Variants in NDUFAF5 observed in about 807,000 individuals in gnomAD.
NDUFAF5 encodes the protein NADH:ubiquinone oxidoreductase complex assembly factor 5, also known as arginine-hydroxylase NDUFAF5, mitochondrial.
NDUFAF5 carries 34 observed loss-of-function variants against 48.9 expected under a neutral mutation model. The ratio of observed to expected loss-of-function variants is 0.70; its 90% CI spans 0.53 to 0.93. The LOEUF is 0.93. Among genes scored for constraint, NDUFAF5 ranks in the 40% least tolerant of loss-of-function variants. NDUFAF5 has a pLI of 0.00. For synonymous variants in NDUFAF5, 153 were observed against 150.6 expected, an observed-to-expected ratio of 1.02 and a Z score of -0.12; for missense variants, 428 against 427.5, an observed-to-expected ratio of 1.00 and a Z score of -0.01.
intron 5 of NDUFAF5, among the ~76,000 whole-genome samples, chr20:13,795,899 A>G (rs757900813): frequency 2.6e-5 from 4 of 152,198 alleles, no homozygotes. Context: ...CTTCCTCCAC[A>G]TATGTTACAC....
intron 8 of NDUFAF5, among the ~76,000 whole-genome samples, chr20:13,812,306 C>A (rs911369695): frequency 1.3e-5 from 2 of 152,142 alleles, no homozygotes; most frequent in Non-Finnish European, 2.9e-5. Flanking sequence ...CAGCCTGTAG[C>A]ATGCATGGCC....
At chr20:13,804,385 G>T (rs755439324) in intron 7 of NDUFAF5, among the ~76,000 whole-genome samples, 14 of 151,870 alleles carry the variant, frequency 9.2e-5, no homozygotes, top group Non-Finnish European at 1.9e-4. Flanking sequence ...CTGTCCTAGA[G>T]GTAGCTACTA....
chr20:13,801,115 C>T (rs183026116), intron 6 of NDUFAF5, among the ~76,000 whole-genome samples: 155 of 152,202 alleles, frequency 1.0e-3, no homozygotes, highest in Non-Finnish European at 3.5e-4. Context: ...TAGAAAACGA[C>T]GTTTCAGAGG....
Position 13,793,173 on chromosome 20 carries a change from A to T in NDUFAF5, c.328-7A>T. The T allele has an allele frequency of 1.2e-6, 2 of 1,613,994 alleles. No homozygotes were observed. Among genetic ancestry groups the T allele is most frequent in the Non-Finnish European group, 1.7e-6 (2 of 1,179,934 alleles). On this transcript the variant is annotated splice_polypyrimidine_tract_variant and splice_region_variant and intron_variant, in intron 3 of 10. Transcript: ENST00000378106. ...TGTTTGTTTCAGCTTCAGTTATTCC[A>T]TTGCAGGAAACTATTGGAAAGTTTT...
At chr20:13,793,015 A>G in intron 3 of NDUFAF5, 165 bp from the exon 4 acceptor site, 1 of 709,228 alleles carries the variant, frequency 1.4e-6, no homozygotes, top group Non-Finnish European at 2.5e-6. Flanking sequence ...AATATAGCAA[A>G]GGATATGTGT....
intron 8 of NDUFAF5, among the ~76,000 whole-genome samples, chr20:13,810,958 G>GA (rs1385117729): frequency 1.3e-5 from 2 of 152,158 alleles, no homozygotes; most frequent in Non-Finnish European, 2.9e-5. Context: ...GGAACCGTTT[G>GA]AAATAGTCAT....
At chr20:13,814,312 G>A in intron 8 of NDUFAF5, 1 of 503,778 alleles carries the variant, frequency 2.0e-6, no homozygotes, top group Non-Finnish European at 3.5e-6. Flanking sequence ...CTGACTAGAA[G>A]ATCATGTTAC....
intron 8 of NDUFAF5, among the ~76,000 whole-genome samples, chr20:13,809,255 A>G (rs1985518383): frequency 6.6e-6 from 1 of 152,244 alleles, no homozygotes; most frequent in Non-Finnish European, 1.5e-5. Context: ...GACTTCCTTC[A>G]GCCACACTTG....
chr20:13,785,063 C>G lies in NDUFAF5; in HGVS notation c.-6C>G. 1 of 1,609,492 alleles carries G rather than the reference C, an allele frequency of 6.2e-7. No individual in the cohort carries two copies. The highest frequency in any genetic ancestry group is 8.5e-7 in the Non-Finnish European group (1 of 1,179,066). On this transcript the variant is annotated 5_prime_UTR_variant, in exon 1 of 11. Transcript: ENST00000378106. ...AAAGCGCCGGCAATTGGGGTCGCAG[C>G]TGGAGATGCTGCGGCCGGCAGGGCT... is the stretch of plus-strand genomic sequence containing the variant.
At chr20:13,794,196 G>C (rs1213304795) in intron 4 of NDUFAF5, among the ~76,000 whole-genome samples, 1 of 151,688 alleles carries the variant, frequency 6.6e-6, no homozygotes, top group Admixed American at 6.6e-5. Flanking sequence ...GTTTACCTAG[G>C]CTTTTTCATC....
chr20:13,817,526 CT>C lies in NDUFAF5; in HGVS notation c.*321del. 4.1e-6 allele frequency: 2 copies of C among 490,410 alleles called. No individual in the cohort carries two copies. The highest frequency in any genetic ancestry group is 4.0e-6 in the Non-Finnish European group (1 of 251,734). The allele number at this position is 490,410 out of a possible 1,614,324, so 30.4% of individuals were successfully genotyped here. On this transcript the variant is annotated 3_prime_UTR_variant, in exon 11 of 11. Coordinates refer to ENST00000378106, the MANE Select transcript of NDUFAF5 (RefSeq NM_024120.5). ...TATTACTCATGCTGACCTTTTACAC[CT>C]TTTTCATTTGTCATACTGTTTTCTT...
chr20:13,812,040 AG>A (rs1985935144), intron 8 of NDUFAF5, among the ~76,000 whole-genome samples: 1 of 152,220 alleles, frequency 6.6e-6, no homozygotes, highest in South Asian at 2.1e-4. Flanking sequence ...GTTACGAGTG[AG>A]AATAATTAGG....
rs1986439705 is a variant in NDUFAF5, at chr20:13,816,234, C to T, written c.779-229C>T. On this transcript the variant is annotated intron_variant, in intron 8 of 10. Transcript: ENST00000378106. Reference sequence around the variant, plus strand: ...CAAGTAAAGCATTGTGGAGCTGCCTCCTGAAATTTCACTTGCCTGTCTTAA... The same window carrying T: ...CAAGTAAAGCATTGTGGAGCTGCCTTCTGAAATTTCACTTGCCTGTCTTAA... 4 of 579,886 alleles carry T rather than the reference C, an allele frequency of 6.9e-6. No individual in the cohort carries two copies. In the East Asian group the frequency reaches 9.1e-5, roughly 13 times the overall value. 35.9% of individuals were successfully genotyped at this position (579,886 alleles called of 1,614,324 possible).
At chr20:13,806,942 C>T (rs371073488) in intron 7 of NDUFAF5, among the ~76,000 whole-genome samples, 1 of 152,078 alleles carries the variant, frequency 6.6e-6, no homozygotes, top group South Asian at 2.1e-4. Context: ...AGTGCAGTGG[C>T]GAGATCTCCG....
chr20:13,801,397 A>T (rs915644718), intron 6 of NDUFAF5, 89 bp from the exon 7 acceptor site: 2 of 799,064 alleles, frequency 2.5e-6, no homozygotes, highest in African/African-American at 3.5e-5. Flanking sequence ...TGGTTGTCAT[A>T]AAATGTTAAT....
At chr20:13,816,233 T>C (rs565853519) in intron 8 of NDUFAF5, 89 of 578,050 alleles carry the variant, frequency 1.5e-4, no homozygotes, top group South Asian at 5.7e-4. Flanking sequence ...TGGAGCTGCC[T>C]CCTGAAATTT....
chr20:13,787,180 A>G, intron 1 of NDUFAF5, 132 bp from the exon 2 acceptor site: 2 of 1,006,016 alleles, frequency 2.0e-6, no homozygotes, highest in South Asian at 2.6e-5. Context: ...TTGAGAAGAA[A>G]GTTCCTGTGG....
At chr20:13,797,827 G>A (rs1983481099) in intron 5 of NDUFAF5, among the ~76,000 whole-genome samples, 1 of 152,032 alleles carries the variant, frequency 6.6e-6, no homozygotes, top group Admixed American at 6.6e-5. Context: ...TGCATGTGTG[G>A]GAATAGGAGT....
chr20:13,786,258 T>C (rs1353879252), intron 1 of NDUFAF5, among the ~76,000 whole-genome samples: 2 of 152,224 alleles, frequency 1.3e-5, no homozygotes, highest in Admixed American at 1.3e-4. Flanking sequence ...GATCAGATGA[T>C]TGACAGGGTG....
Sources: gnomAD v4.1 joint callset for allele counts (sites outside exome capture counted in the v4.1 genomes callset) on GRCh38, gnomAD v4.1.1 for gene constraint, MANE v1.5 for transcripts, NCBI Gene and HGNC (gene_info 2026-07-23, HGNC 2026-07-21) for gene names.